OXR1: variants seen among roughly 807,000 people sequenced by gnomAD.
OXR1 encodes oxidation resistance 1.
In OXR1, 41 loss-of-function variants were observed where a neutral mutation model predicts 104.6. The observed-to-expected ratio is 0.39, with a 90% CI of 0.31 to 0.51. The LOEUF is 0.51. Ranked by LOEUF, OXR1 falls within the 20% of genes least tolerant of loss-of-function variation. OXR1 has a pLI of 0.77. For missense variants in OXR1, 955 were observed against 1,031.9 expected (o/e 0.93, Z 1.02); for synonymous variants, 348 against 348.4 (o/e 1.00, Z 0.01).
At chr8:106,558,218 G>T (rs978020240) in intron 3 of OXR1, among the ~76,000 whole-genome samples, 1 of 152,184 alleles carries the variant, frequency 6.6e-6, no homozygotes, top group African/African-American at 2.4e-5. Context: ...TCTTGAAGAG[G>T]CTACTCTGGG....
At chr8:106,450,509 C>G (rs1405575253) in intron 2 of OXR1, among the ~76,000 whole-genome samples, 1 of 152,082 alleles carries the variant, frequency 6.6e-6, no homozygotes, top group East Asian at 1.9e-4. Flanking sequence ...AAATACGAAG[C>G]AGGAAAAGAG....
chr8:106,311,242 T>G (rs938073052), intron 1 of OXR1, among the ~76,000 whole-genome samples: 6 of 152,320 alleles, frequency 3.9e-5, no homozygotes, highest in Middle Eastern at 6.8e-3. Context: ...TGTTCTTGTT[T>G]CATGTTTGCA....
Position 106,587,366 on chromosome 8 carries a change from G to A in OXR1, c.220+68227G>A, listed in dbSNP as rs780008671. Reference sequence around the variant, plus strand: ...GGTTTGCAGGGAAAGAACAAATGGCGTGAAATTATCCTCTAGGAGAGTAGG... The same window carrying A: ...GGTTTGCAGGGAAAGAACAAATGGCATGAAATTATCCTCTAGGAGAGTAGG... On this transcript the variant is annotated intron_variant, in intron 3 of 16. Coordinates refer to ENST00000517566, the MANE Select transcript of OXR1 (RefSeq NM_001198533.2). Among the ~76,000 whole-genome samples the A allele has an allele frequency of 2.1e-4, 32 of 152,122 alleles. 1 individual carries two copies. Among genetic ancestry groups the A allele is most frequent in the Admixed American group, 1.2e-3 (19 of 15,280 alleles).
At chr8:106,280,676 T>C (rs946654730) in intron 1 of OXR1, among the ~76,000 whole-genome samples, 8 of 152,078 alleles carry the variant, frequency 5.3e-5, no homozygotes, top group Non-Finnish European at 1.2e-4. Flanking sequence ...GCACAACGGT[T>C]TGAAGGTACT....
At chr8:106,725,777 G>A (rs1833276962) in intron 11 of OXR1, among the ~76,000 whole-genome samples, 1 of 152,198 alleles carries the variant, frequency 6.6e-6, no homozygotes, top group South Asian at 2.1e-4. Flanking sequence ...TTATAGTACT[G>A]TTAGCTGTAA....
intron 2 of OXR1, among the ~76,000 whole-genome samples, chr8:106,445,672 C>T (rs192045213): frequency 6.6e-5 from 10 of 152,280 alleles, no homozygotes; most frequent in Admixed American, 5.9e-4. Context: ...TCCACTTAAT[C>T]AGATTCTATG....
chr8:106,677,536 T>C (rs1448729769), intron 3 of OXR1, among the ~76,000 whole-genome samples: 1 of 152,106 alleles, frequency 6.6e-6, no homozygotes, highest in Non-Finnish European at 1.5e-5. Context: ...ACCAACCCGA[T>C]AGGTGTGAAA....
intron 3 of OXR1, among the ~76,000 whole-genome samples, chr8:106,618,941 G>A (rs1821464755): frequency 6.6e-6 from 1 of 151,680 alleles, no homozygotes; most frequent in African/African-American, 2.4e-5. Flanking sequence ...TCATTAAACA[G>A]ATCGACCTGT....
chr8:106,656,821 T>TAA (rs79415263), intron 3 of OXR1, among the ~76,000 whole-genome samples: 273 of 118,786 alleles, frequency 2.3e-3, no homozygotes, highest in South Asian at 8.3e-3. Context: ...GTCAACCAGT[T>TAA]AAAAAAAAAA....
chr8:106,578,397 G>C (rs947384232), intron 3 of OXR1, among the ~76,000 whole-genome samples: 1 of 152,110 alleles, frequency 6.6e-6, no homozygotes, highest in Non-Finnish European at 1.5e-5. Flanking sequence ...CAGATACTGG[G>C]ATTTGACAAG....
At chr8:106,501,313 C>T (rs1030359973) in intron 2 of OXR1, among the ~76,000 whole-genome samples, 1 of 151,996 alleles carries the variant, frequency 6.6e-6, no homozygotes, top group Non-Finnish European at 1.5e-5. Flanking sequence ...TTTCTCAGAA[C>T]AGAAAGGAAA....
intron 3 of OXR1, among the ~76,000 whole-genome samples, chr8:106,552,212 T>C (rs1815896186): frequency 6.6e-6 from 1 of 152,072 alleles, no homozygotes; most frequent in Admixed American, 6.5e-5. Context: ...GTTTTACCTC[T>C]GGTAAAAGCT....
chr8:106,431,856 T>C (rs1271708884), intron 2 of OXR1, among the ~76,000 whole-genome samples: 1 of 152,198 alleles, frequency 6.6e-6, no homozygotes, highest in Non-Finnish European at 1.5e-5. Flanking sequence ...AAAGCAAACA[T>C]TTGATAACCT....
intron 1 of OXR1, among the ~76,000 whole-genome samples, chr8:106,348,028 A>G (rs1815568995): frequency 6.6e-6 from 1 of 152,170 alleles, no homozygotes. Context: ...TAAAGTGGGT[A>G]TTGATTTTTG....
chr8:106,456,912 AT>A (rs1328679939), intron 2 of OXR1, among the ~76,000 whole-genome samples: 2 of 152,152 alleles, frequency 1.3e-5, no homozygotes, highest in Admixed American at 1.3e-4. Flanking sequence ...TTCCAGTTGC[AT>A]TTATTATTTG....
At chr8:106,294,674 A>G (rs1217526591) in intron 1 of OXR1, among the ~76,000 whole-genome samples, 7 of 152,122 alleles carry the variant, frequency 4.6e-5, no homozygotes, top group Non-Finnish European at 7.4e-5. Flanking sequence ...GGAACTCACT[A>G]TCACAAAGAC....
intron 2 of OXR1, among the ~76,000 whole-genome samples, chr8:106,462,815 A>G (rs1411003953): frequency 6.6e-6 from 1 of 152,100 alleles, no homozygotes; most frequent in African/African-American, 2.4e-5. Flanking sequence ...GAGAACAAAT[A>G]ATGATCAACC....
At chr8:106,671,034 G>A in intron 3 of OXR1, among the ~76,000 whole-genome samples, 1 of 73,170 alleles carries the variant, frequency 1.4e-5, no homozygotes, top group Non-Finnish European at 2.3e-5. Context: ...GACAGAGTGA[G>A]ACTCTGTCTC....
intron 2 of OXR1, among the ~76,000 whole-genome samples, chr8:106,385,839 G>A (rs1817349432): frequency 6.6e-6 from 1 of 152,142 alleles, no homozygotes; most frequent in South Asian, 2.1e-4. Context: ...TATCCACCCT[G>A]CTCCCATTCT....
Sources: gnomAD v4.1 joint callset for allele counts (sites outside exome capture counted in the v4.1 genomes callset) on GRCh38, gnomAD v4.1.1 for gene constraint, MANE v1.5 for transcripts, NCBI Gene and HGNC (gene_info 2026-07-23, HGNC 2026-07-21) for gene names.